DAAM1: variants seen among roughly 807,000 people sequenced by gnomAD.
DAAM1 encodes disheveled-associated activator of morphogenesis 1.
DAAM1 carries 52 observed loss-of-function variants against 130.0 expected under a neutral mutation model. That is an observed-to-expected ratio of 0.40 (90% CI 0.32 to 0.50). The LOEUF is 0.50. Ranked by LOEUF, DAAM1 falls within the 20% of genes least tolerant of loss-of-function variation. The pLI, the probability that DAAM1 is intolerant of heterozygous loss-of-function variation, is 0.61. For synonymous variants in DAAM1, 452 were observed against 444.5 expected (o/e 1.02, Z -0.21); for missense variants, 1,134 against 1,303.8 (o/e 0.87, Z 2.01).
At chr14:59,246,314 G>A (rs1881375588) in intron 1 of DAAM1, among the ~76,000 whole-genome samples, 1 of 152,114 alleles carries the variant, frequency 6.6e-6, no homozygotes. Flanking sequence ...TACGGTATTT[G>A]TCTTTTTGTG....
At chr14:59,214,732 A>T (rs75841771) in intron 1 of DAAM1, among the ~76,000 whole-genome samples, 9,065 of 151,484 alleles carry the variant, frequency 0.06, 375 homozygotes, top group Non-Finnish European at 0.09. Flanking sequence ...GATATACCAC[A>T]TTTTTTTTTA....
intron 3 of DAAM1, among the ~76,000 whole-genome samples, chr14:59,294,354 G>A (rs2139570922): frequency 6.6e-6 from 1 of 152,268 alleles, no homozygotes; most frequent in South Asian, 2.1e-4. Flanking sequence ...ATCTCTGGTT[G>A]AAAACCTATT....
Position 59,370,558 on chromosome 14 carries a change from C to T in DAAM1, c.*1699C>T, listed in dbSNP as rs1336006507. The T allele has an allele frequency of 2.0e-5, 3 of 152,090 alleles. No homozygotes were observed. The highest frequency in any genetic ancestry group is 6.5e-5 in the Admixed American group (1 of 15,268). The allele number at this position is 152,090 out of a possible 1,614,324, so 9.4% of individuals were successfully genotyped here. ...TATGTGAAAGCTGTGAAATAGTGCT[C>T]TAAGAGTTGTCAAGAGCTGTGGTTT... On this transcript the variant is annotated 3_prime_UTR_variant, in exon 25 of 25. Coordinates refer to ENST00000360909, the MANE Select transcript of DAAM1 (RefSeq NM_001270520.2).
In DAAM1 at chr14:59,285,070, T is replaced by A. The variant is rs116667365; in HGVS notation, c.184-6147T>A. Among the ~76,000 whole-genome samples, 739 of 152,134 alleles carry A rather than the reference T, an allele frequency of 4.9e-3. 10 individuals are homozygous for A. The highest frequency in any genetic ancestry group is 0.016 in the African/African-American group (684 of 41,514). ...AAGGCAGCTAGAGAGAAGGGGAAGG[T>A]CACTTACAAAGGAAACCCCATCAAG... is the stretch of plus-strand genomic sequence containing the variant. On this transcript the variant is annotated intron_variant, in intron 2 of 24. Transcript: ENST00000360909.
chr14:59,193,285 G>A (rs1358835057), intron 1 of DAAM1, among the ~76,000 whole-genome samples: 1 of 152,166 alleles, frequency 6.6e-6, no homozygotes, highest in African/African-American at 2.4e-5. Context: ...GAGTGGCTGA[G>A]GCTGCTGATA....
chr14:59,226,577 T>C (rs1888950329), intron 1 of DAAM1, among the ~76,000 whole-genome samples: 1 of 152,108 alleles, frequency 6.6e-6, no homozygotes, highest in Admixed American at 6.5e-5. Flanking sequence ...GTGCAGGGAA[T>C]GGAGGTGGGT....
intron 3 of DAAM1, among the ~76,000 whole-genome samples, chr14:59,302,765 T>C (rs937845272): frequency 3.2e-4 from 48 of 152,332 alleles, no homozygotes; most frequent in African/African-American, 1.1e-3. Flanking sequence ...GTAATTCTCC[T>C]GCCTCAGCCT....
At chr14:59,254,773 A>G (rs1192861744) in intron 1 of DAAM1, among the ~76,000 whole-genome samples, 2 of 152,206 alleles carry the variant, frequency 1.3e-5, no homozygotes, top group African/African-American at 2.4e-5. Flanking sequence ...CCCTAAACCC[A>G]TGGTTATGGT....
intron 12 of DAAM1, among the ~76,000 whole-genome samples, chr14:59,328,860 A>G (rs1458072967): frequency 6.6e-6 from 1 of 152,168 alleles, no homozygotes; most frequent in East Asian, 1.9e-4. Context: ...CTAAAAGAGG[A>G]AAGATTATAG....
chr14:59,221,189 A>T (rs887628466), intron 1 of DAAM1, among the ~76,000 whole-genome samples: 1 of 152,226 alleles, frequency 6.6e-6, no homozygotes, highest in Non-Finnish European at 1.5e-5. Context: ...TCCTTGAGTG[A>T]TGTTTACTCC....
At chr14:59,224,270 A>G (rs1159090606) in intron 1 of DAAM1, among the ~76,000 whole-genome samples, 2 of 152,220 alleles carry the variant, frequency 1.3e-5, no homozygotes, top group Non-Finnish European at 2.9e-5. Flanking sequence ...TAAGCTTATG[A>G]TAGTCCACTG....
At chr14:59,314,484 T>TC (rs1171618196) in intron 3 of DAAM1, among the ~76,000 whole-genome samples, 1 of 151,984 alleles carries the variant, frequency 6.6e-6, no homozygotes, top group East Asian at 1.9e-4. Context: ...TAACTGATTT[T>TC]TTTTTTTTTT....
At chr14:59,246,625 A>G (rs1378835431) in intron 1 of DAAM1, among the ~76,000 whole-genome samples, 6 of 152,156 alleles carry the variant, frequency 3.9e-5, no homozygotes, top group African/African-American at 7.2e-5. Flanking sequence ...AGAAACCACC[A>G]TACTGTTTTC....
At chr14:59,227,674 GCTCCAGAACATGAT>G (rs1888983099) in intron 1 of DAAM1, among the ~76,000 whole-genome samples, 1 of 152,154 alleles carries the variant, frequency 6.6e-6, no homozygotes, top group Admixed American at 6.5e-5. Flanking sequence ...CAGATCTGGT[GCTCCAGAACATGAT>G]TAGGAGAAGC....
intron 22 of DAAM1, among the ~76,000 whole-genome samples, chr14:59,362,010 GT>G (rs1337355001): frequency 7.1e-5 from 9 of 127,204 alleles, no homozygotes; most frequent in Admixed American, 1.7e-4. Context: ...AGCATGTGAG[GT>G]TTTTTTCCTT....
At chr14:59,201,038 G>A (rs1888085457) in intron 1 of DAAM1, among the ~76,000 whole-genome samples, 2 of 151,970 alleles carry the variant, frequency 1.3e-5, no homozygotes, top group Admixed American at 1.3e-4. Flanking sequence ...GTGGGTGCCT[G>A]TAGTCCCAGC....
chr14:59,281,685 T>A (rs1322632771), intron 2 of DAAM1, among the ~76,000 whole-genome samples: 1 of 152,178 alleles, frequency 6.6e-6, no homozygotes. Context: ...AGATTATAAA[T>A]TCCTTGAAAT....
At chr14:59,319,063 T>G (rs980881228) in intron 4 of DAAM1, among the ~76,000 whole-genome samples, 2 of 152,190 alleles carry the variant, frequency 1.3e-5, no homozygotes, top group African/African-American at 4.8e-5. Flanking sequence ...CGAGTTCAGC[T>G]ATGTCATTGG....
At chr14:59,228,941 A>C (rs1352201953) in intron 1 of DAAM1, among the ~76,000 whole-genome samples, 2 of 152,182 alleles carry the variant, frequency 1.3e-5, no homozygotes, top group African/African-American at 2.4e-5. Flanking sequence ...AAAACACTTC[A>C]ATTTTTGATT....
Sources: gnomAD v4.1 joint callset for allele counts (sites outside exome capture counted in the v4.1 genomes callset) on GRCh38, gnomAD v4.1.1 for gene constraint, MANE v1.5 for transcripts, NCBI Gene and HGNC (gene_info 2026-07-23, HGNC 2026-07-21) for gene names.